Variants in AK3 observed in about 807,000 individuals in gnomAD.
The protein encoded by AK3 is GTP:AMP phosphotransferase AK3, mitochondrial.
AK3 carries 27 observed loss-of-function variants against 23.7 expected under a neutral mutation model. The ratio of observed to expected loss-of-function variants is 1.14; its 90% CI spans 0.84 to 1.57. AK3 has a LOEUF of 1.57. Ranked by LOEUF, AK3 falls within the 40% of genes most tolerant of loss-of-function variation. The probability of loss-of-function intolerance (pLI) is 0.00; values close to 1 mark genes in which losing one functional copy is unlikely to be tolerated. For synonymous variants in AK3, 159 were observed against 116.0 expected (o/e 1.37, Z -2.38); for missense variants, 406 against 285.6 (o/e 1.42, Z -3.04).
intron 4 of AK3, among the ~76,000 whole-genome samples, chr9:4,713,979 C>CATGCCTACACATAT (rs1841635943): frequency 5.7e-4 from 10 of 17,496 alleles, no homozygotes; most frequent in African/African-American, 2.7e-3. Flanking sequence ...TCCACATTTA[C>CATGCCTACACATAT]ACACCTACAC....
chr9:4,733,462 G>C (rs1291842621), intron 1 of AK3, among the ~76,000 whole-genome samples: 1 of 152,102 alleles, frequency 6.6e-6, no homozygotes, highest in African/African-American at 2.4e-5. Flanking sequence ...TCTGGTGATG[G>C]GTAAATCATG....
intron 1 of AK3, among the ~76,000 whole-genome samples, chr9:4,732,413 T>C (rs928031431): frequency 6.6e-6 from 1 of 152,214 alleles, no homozygotes; most frequent in African/African-American, 2.4e-5. Flanking sequence ...AAAAGTTACA[T>C]GTGGATTTTT....
At chr9:4,728,302 G>T (rs1342882782) in intron 1 of AK3, among the ~76,000 whole-genome samples, 2 of 152,214 alleles carry the variant, frequency 1.3e-5, no homozygotes, top group Non-Finnish European at 2.9e-5. Flanking sequence ...CAGGCACAAT[G>T]GCTCATGCCT....
At chr9:4,731,940 T>C (rs1440289379) in intron 1 of AK3, among the ~76,000 whole-genome samples, 1 of 152,074 alleles carries the variant, frequency 6.6e-6, no homozygotes, top group African/African-American at 2.4e-5. Context: ...AGTAAATCTA[T>C]TTTCTTTTCT....
chr9:4,731,289 G>A (rs1014003993), intron 1 of AK3, among the ~76,000 whole-genome samples: 3 of 151,986 alleles, frequency 2.0e-5, no homozygotes, highest in African/African-American at 7.3e-5. Flanking sequence ...TCCTCTGAAA[G>A]GCCCTAGTGT....
intron 2 of AK3, among the ~76,000 whole-genome samples, chr9:4,721,058 C>T (rs1050522518): frequency 6.6e-6 from 1 of 152,124 alleles, no homozygotes; most frequent in African/African-American, 2.4e-5. Context: ...TTTCATTAAA[C>T]TTTTTAAAAC....
At chr9:4,722,359 G>A in intron 2 of AK3, 147 bp downstream of exon 2, 1 of 1,121,536 alleles carries the variant, frequency 8.9e-7, no homozygotes, top group Non-Finnish European at 1.2e-6. Flanking sequence ...ACTGGTCCCA[G>A]AGAAGATGAC....
In AK3 at chr9:4,741,092, G is replaced by T. The variant is rs1264526104; in HGVS notation, c.-5C>A. 3 of 1,527,060 alleles carry T rather than the reference G, an allele frequency of 2.0e-6. No individual in the cohort carries two copies. The highest frequency in any genetic ancestry group is 2.9e-5 in the African/African-American group (2 of 69,862). The allele number at this position is 1,527,060 out of a possible 1,614,324, so 94.6% of individuals were successfully genotyped here. A position where few individuals can be genotyped will look rare whatever the true frequency, so the allele number is the denominator to read the frequency against. ...CAGCCGCGCGGACGCCCCCATGGCC[G>T]CAGACTGAGGCCCGCACCGCGCGGG... On this transcript the variant is annotated 5_prime_UTR_variant, in exon 1 of 5. Coordinates refer to ENST00000381809, the MANE Select transcript of AK3 (RefSeq NM_016282.4).
At chr9:4,714,881 T>C (rs1407128471) in intron 4 of AK3, among the ~76,000 whole-genome samples, 1 of 152,214 alleles carries the variant, frequency 6.6e-6, no homozygotes, top group Non-Finnish European at 1.5e-5. Context: ...TTTCAGTTTT[T>C]AGTCAAGTCT....
At chr9:4,716,573 T>C (rs1446704352) in intron 4 of AK3, among the ~76,000 whole-genome samples, 2 of 152,218 alleles carry the variant, frequency 1.3e-5, no homozygotes, top group African/African-American at 4.8e-5. Flanking sequence ...GACAAAATTA[T>C]AGTAACAGCT....
chr9:4,737,641 C>T (rs886902790), intron 1 of AK3, among the ~76,000 whole-genome samples: 1 of 152,160 alleles, frequency 6.6e-6, no homozygotes, highest in Admixed American at 6.6e-5. Flanking sequence ...ATCGCTTGAA[C>T]CCAGGAGTCG....
intron 1 of AK3, 25 bp from the exon 2 acceptor site, chr9:4,722,650 C>A (rs1056847522): frequency 6.2e-7 from 1 of 1,614,002 alleles, no homozygotes; most frequent in Non-Finnish European, 8.5e-7. Context: ...GGAAAAAAAT[C>A]AGTAAGTGCA....
At chr9:4,713,900 C>CTACACATA (rs1587633393) in intron 4 of AK3, among the ~76,000 whole-genome samples, 208 of 756 alleles carry the variant, frequency 0.28, 32 homozygotes, top group Middle Eastern at 0.5. Context: ...ATGCGTACAC[C>CTACACATA]TACGCCTACA....
chr9:4,729,182 G>A (rs1007879417), intron 1 of AK3, among the ~76,000 whole-genome samples: 8 of 151,620 alleles, frequency 5.3e-5, no homozygotes, highest in African/African-American at 1.9e-4. Flanking sequence ...AGCTAATTCT[G>A]TATTTTTAGT....
Position 4,730,282 on chromosome 9 carries a change from C to T in AK3, c.152-7657G>A, listed in dbSNP as rs10974755. On this transcript the variant is annotated intron_variant, in intron 1 of 4. Coordinates refer to ENST00000381809, the MANE Select transcript of AK3 (RefSeq NM_016282.4). ...TGATGGTTGCACAACTTTGGATATG[C>T]TAAAAACCACTGAATCATACACTTT... 6.1e-4 allele frequency among the ~76,000 whole-genome samples: 93 copies of T among 152,054 alleles called. 1 individual carries two copies. The highest frequency in any genetic ancestry group is 2.2e-3 in the African/African-American group (92 of 41,468).
In AK3 at chr9:4,718,432, G is replaced by C. The variant is rs866591478; in HGVS notation, c.550C>G (p.Leu184Val). The change falls in exon 4 of 5, where the codon CTG becomes GTG. Residue 184 changes from leucine to valine, a missense_variant. Coordinates refer to ENST00000381809, the MANE Select transcript of AK3 (RefSeq NM_016282.4). Reference sequence around the variant, plus strand: ...GCAAAAACTCACTGGTAATATTCCAGGACTGGCTTTGTTTGGTCTTCATAA... The same window carrying C: ...GCAAAAACTCACTGGTAATATTCCACGACTGGCTTTGTTTGGTCTTCATAA... ...KAYEDQTKPV[L>V]EYYQKKGVLE... 1.2e-6 allele frequency: 2 copies of C among 1,612,144 alleles called. No individual in the cohort carries two copies. Among genetic ancestry groups the C allele is most frequent in the Middle Eastern group, 2.0e-4 (1 of 5,000 alleles).
intron 4 of AK3, among the ~76,000 whole-genome samples, chr9:4,717,758 G>A (rs559641591): frequency 3.3e-5 from 5 of 152,274 alleles, no homozygotes; most frequent in African/African-American, 7.2e-5. Context: ...AGATGATTTC[G>A]CCCAACTGTA....
In AK3 at chr9:4,709,701, C is replaced by T. The variant is rs1054449166; in HGVS notation, c.*3275G>A. 2 of 152,192 alleles carry T rather than the reference C, an allele frequency of 1.3e-5. No individual in the cohort carries two copies. Among genetic ancestry groups the T allele is most frequent in the Admixed American group, 6.5e-5 (1 of 15,278 alleles). The allele number at this position is 152,192 out of a possible 1,614,324, so 9.4% of individuals were successfully genotyped here. ...TGGCTTTTACCAGAAGCTTTAAGCACAGCTACACTATTTTAACTGTTTAAA... is the reference window on the plus strand; with the variant it reads ...TGGCTTTTACCAGAAGCTTTAAGCATAGCTACACTATTTTAACTGTTTAAA... On this transcript the variant is annotated 3_prime_UTR_variant, in exon 5 of 5. Coordinates refer to ENST00000381809, the MANE Select transcript of AK3 (RefSeq NM_016282.4).
At chr9:4,732,361 G>A (rs1842174683) in intron 1 of AK3, among the ~76,000 whole-genome samples, 1 of 152,146 alleles carries the variant, frequency 6.6e-6, no homozygotes, top group East Asian at 1.9e-4. Context: ...CTATTGGTAA[G>A]GCTCCTGGTC....
Sources: allele counts gnomAD v4.1 joint callset (sites outside exome capture counted in the v4.1 genomes callset), GRCh38; gene constraint gnomAD v4.1.1; transcripts MANE v1.5; gene names NCBI Gene and HGNC (gene_info 2026-07-23, HGNC 2026-07-21).